The following CMTM8 variants were observed in gnomAD, a reference collection of about 807,000 sequenced individuals.
CMTM8 encodes CKLF-like MARVEL transmembrane domain-containing protein 8.
CMTM8 carries 12 observed loss-of-function variants against 18.6 expected under a neutral mutation model. That is an observed-to-expected ratio of 0.65 (90% CI 0.41 to 1.05). The LOEUF (loss-of-function observed/expected upper bound fraction) is 1.05, where lower values mean the gene tolerates loss of function less well. CMTM8 is among the 50% of genes least tolerant of loss of function. The pLI is 0.00. For missense variants in CMTM8, 217 were observed against 227.2 expected (o/e 0.95, Z 0.29); for synonymous variants, 87 against 90.6 (o/e 0.96, Z 0.23).
At chr3:32,286,174 T>A (rs1029043999) in intron 1 of CMTM8, among the ~76,000 whole-genome samples, 7 of 152,238 alleles carry the variant, frequency 4.6e-5, no homozygotes, top group African/African-American at 1.7e-4. Flanking sequence ...TCTGCCACTG[T>A]AGCACAAACG....
At chr3:32,269,752 A>G (rs997662841) in intron 1 of CMTM8, among the ~76,000 whole-genome samples, 1 of 152,194 alleles carries the variant, frequency 6.6e-6, no homozygotes, top group African/African-American at 2.4e-5. Flanking sequence ...TTTGTGTAAA[A>G]TATCATACAG....
At chr3:32,328,107 G>A (rs999854150) in intron 1 of CMTM8, among the ~76,000 whole-genome samples, 1 of 152,108 alleles carries the variant, frequency 6.6e-6, no homozygotes, top group Non-Finnish European at 1.5e-5. Flanking sequence ...CGGCACAGTG[G>A]CCCATGCCTG....
intron 1 of CMTM8, among the ~76,000 whole-genome samples, chr3:32,250,489 A>G (rs1702099007): frequency 6.6e-6 from 1 of 152,240 alleles, no homozygotes; most frequent in South Asian, 2.1e-4. Flanking sequence ...CTGCCATCAT[A>G]ACAAGATCAA....
intron 1 of CMTM8, among the ~76,000 whole-genome samples, chr3:32,354,659 C>T (rs1280456255): frequency 6.6e-6 from 1 of 152,198 alleles, no homozygotes; most frequent in Non-Finnish European, 1.5e-5. Context: ...GAGACACTAT[C>T]AACACATCTA....
intron 1 of CMTM8, among the ~76,000 whole-genome samples, chr3:32,319,494 C>T (rs1224119097): frequency 6.6e-6 from 1 of 151,950 alleles, no homozygotes. Context: ...ATCTGCCGTG[C>T]TAGGTTATTT....
chr3:32,269,921 G>C (rs769885351), intron 1 of CMTM8, among the ~76,000 whole-genome samples: 22 of 151,496 alleles, frequency 1.5e-4, no homozygotes, highest in Non-Finnish European at 2.8e-4. Flanking sequence ...AGGACTACAG[G>C]CTTGCACTAC....
At chr3:32,349,826 G>T (rs142709371) in intron 1 of CMTM8, among the ~76,000 whole-genome samples, 12,265 of 152,110 alleles carry the variant, frequency 0.081, 597 homozygotes, top group East Asian at 0.18. Context: ...TGGCCAACAT[G>T]GTGAAACCCC....
chr3:32,309,613 T>G (rs1205698070), intron 1 of CMTM8, among the ~76,000 whole-genome samples: 1 of 151,974 alleles, frequency 6.6e-6, no homozygotes, highest in Non-Finnish European at 1.5e-5. Flanking sequence ...GGCCAACCAA[T>G]TTTTTTTCTT....
At chr3:32,256,980 A>G (rs1702181912) in intron 1 of CMTM8, among the ~76,000 whole-genome samples, 1 of 152,124 alleles carries the variant, frequency 6.6e-6, no homozygotes, top group African/African-American at 2.4e-5. Context: ...AAGCTTTTGA[A>G]ATTGTTTCCC....
At chr3:32,275,205 G>C (rs982464855) in intron 1 of CMTM8, among the ~76,000 whole-genome samples, 1 of 151,558 alleles carries the variant, frequency 6.6e-6, no homozygotes, top group African/African-American at 2.4e-5. Context: ...TGTGGAGACA[G>C]GGTTTTGCCA....
At chr3:32,313,670 T>C (rs1205143510) in intron 1 of CMTM8, among the ~76,000 whole-genome samples, 1 of 152,160 alleles carries the variant, frequency 6.6e-6, no homozygotes, top group Non-Finnish European at 1.5e-5. Context: ...CCAGAACTAC[T>C]GGGTCAGAAT....
chr3:32,245,003 G>A (rs913481057), intron 1 of CMTM8, among the ~76,000 whole-genome samples: 2 of 152,098 alleles, frequency 1.3e-5, no homozygotes, highest in African/African-American at 4.8e-5. Context: ...AACGTACTGT[G>A]TTTTATTGAT....
chr3:32,345,899 A>C (rs1413830126), intron 1 of CMTM8, among the ~76,000 whole-genome samples: 2 of 152,174 alleles, frequency 1.3e-5, no homozygotes, highest in African/African-American at 4.8e-5. Context: ...TCACACCTAT[A>C]ATCCCAGCAC....
chr3:32,264,614 AT>A (rs1411423965), intron 1 of CMTM8, among the ~76,000 whole-genome samples: 8 of 152,200 alleles, frequency 5.3e-5, no homozygotes, highest in Non-Finnish European at 7.3e-5. Flanking sequence ...TTAACCTTAA[AT>A]GTAAATGGGC....
chr3:32,239,203 G>A (rs1359916275), intron 1 of CMTM8, 84 bp downstream of exon 1: 22 of 1,444,996 alleles, frequency 1.5e-5, no homozygotes, highest in Non-Finnish European at 2.1e-5. Flanking sequence ...GATGGAGCCT[G>A]CTCAGATCTT....
chr3:32,317,653 C>T (rs116080167), intron 1 of CMTM8, among the ~76,000 whole-genome samples: 153 of 152,258 alleles, frequency 1.0e-3, no homozygotes, highest in African/African-American at 3.6e-3. Flanking sequence ...TGATAGTATG[C>T]AGCACTGTTT....
At chr3:32,350,906 G>C (rs948902337) in intron 1 of CMTM8, among the ~76,000 whole-genome samples, 1 of 152,066 alleles carries the variant, frequency 6.6e-6, no homozygotes, top group Admixed American at 6.5e-5. Context: ...TGATCCACCC[G>C]CCTCAGCCTC....
At chr3:32,337,000 G>A (rs1436615864) in intron 1 of CMTM8, among the ~76,000 whole-genome samples, 6 of 152,046 alleles carry the variant, frequency 3.9e-5, no homozygotes, top group African/African-American at 7.2e-5. Flanking sequence ...GTTTTGAGGC[G>A]GTGCAGGGCA....
Position 32,312,587 on chromosome 3 carries a change from C to T in CMTM8, c.148-44786C>T, listed in dbSNP as rs578049218. ...GGCATGTGAACATGTTCTTCCTCACCAACCTTGAAGCTCTGCAAACTCTGT... is the reference window on the plus strand; with the variant it reads ...GGCATGTGAACATGTTCTTCCTCACTAACCTTGAAGCTCTGCAAACTCTGT... On this transcript the variant is annotated intron_variant, in intron 1 of 3. Transcript: ENST00000307526. Among the ~76,000 whole-genome samples the T allele has an allele frequency of 4.7e-4, 71 of 152,218 alleles. No homozygotes were observed. In the South Asian group the frequency reaches 0.014, roughly 29 times the overall value.
Sources: gnomAD v4.1 joint callset for allele counts (sites outside exome capture counted in the v4.1 genomes callset) on GRCh38, gnomAD v4.1.1 for gene constraint, MANE v1.5 for transcripts, NCBI Gene and HGNC (gene_info 2026-07-23, HGNC 2026-07-21) for gene names.